Variants in PHC2 observed in about 807,000 individuals in gnomAD.
The protein encoded by PHC2 is polyhomeotic-like protein 2.
PHC2 carries 29 observed loss-of-function variants against 87.4 expected under a neutral mutation model. That is an observed-to-expected ratio of 0.33 (90% CI 0.25 to 0.45). The LOEUF is 0.45. Among genes scored for constraint, PHC2 ranks in the 20% least tolerant of loss-of-function variants. The pLI is 1.00. For synonymous variants in PHC2, 438 were observed against 461.7 expected (o/e 0.95, Z 0.66); for missense variants, 857 against 1,136.7 (o/e 0.75, Z 3.54).
At chr1:33,384,607 G>A (rs747718772) in intron 1 of PHC2, among the ~76,000 whole-genome samples, 4 of 152,078 alleles carry the variant, frequency 2.6e-5, no homozygotes, top group Non-Finnish European at 5.9e-5. Flanking sequence ...CTCACCCCTT[G>A]CCCAGACCTT....
chr1:33,346,739 G>A, intron 9 of PHC2: 1 of 985,360 alleles, frequency 1.0e-6, no homozygotes, highest in Non-Finnish European at 1.2e-6. Flanking sequence ...AATGGTTACT[G>A]AACGCCTGGC....
chr1:33,419,430 C>T (rs1650338932), intron 1 of PHC2, among the ~76,000 whole-genome samples: 3 of 152,208 alleles, frequency 2.0e-5, no homozygotes, highest in African/African-American at 7.2e-5. Flanking sequence ...GCTGTGCTCT[C>T]CCTCAGGAGG....
Position 33,331,798 on chromosome 1 carries a change from G to C in PHC2, c.1892-336C>G, listed in dbSNP as rs188309394. ...CTCTGGATGCTGTCACAGCTGCTCC[G>C]CTGGCATCATCACACCTTGATCTAT... On this transcript the variant is annotated intron_variant, in intron 11 of 14. Transcript: ENST00000683057. The surrounding 1 kb of genome is among the most constrained non-coding windows in gnomAD (Gnocchi z 5.2). The C allele has an allele frequency of 7.4e-5, 22 of 298,284 alleles. No homozygotes were observed. Among genetic ancestry groups the C allele is most frequent in the Admixed American group, 7.0e-4 (15 of 21,392 alleles). The allele number at this position is 298,284 out of a possible 1,614,324, so 18.5% of individuals were successfully genotyped here. A position where few individuals can be genotyped will look rare whatever the true frequency, so the allele number is the denominator to read the frequency against.
chr1:33,406,650 T>C (rs988751121), intron 1 of PHC2, among the ~76,000 whole-genome samples: 1 of 152,230 alleles, frequency 6.6e-6, no homozygotes, highest in Non-Finnish European at 1.5e-5. Flanking sequence ...ATTTAGTCCA[T>C]TTACATTTGA....
Position 33,364,421 on chromosome 1 carries a change from C to G in PHC2, c.976+2695G>C, listed in dbSNP as rs1366186856. ...ACACACACACACACACACACACACA[C>G]ACACGCTCAAGCACGCTCTTCTCTC... On this transcript the variant is annotated intron_variant, in intron 7 of 14. Coordinates refer to ENST00000683057, the MANE Select transcript of PHC2 (RefSeq NM_001385109.1). This position sits in a 1 kb window ranked among gnomAD's most constrained non-coding sequence, Gnocchi z 4.1. Among the ~76,000 whole-genome samples, 1 of 151,808 alleles carries G rather than the reference C, an allele frequency of 6.6e-6. No individual in the cohort carries two copies. The highest frequency in any genetic ancestry group is 6.6e-5 in the Admixed American group (1 of 15,212).
At chr1:33,371,856 C>G (rs1647865130) in intron 3 of PHC2, among the ~76,000 whole-genome samples, 1 of 152,206 alleles carries the variant, frequency 6.6e-6, no homozygotes, top group African/African-American at 2.4e-5. Flanking sequence ...GTGCTTGATA[C>G]AAACTTTGCA....
chr1:33,369,284 G>T lies in PHC2; in HGVS notation c.577-662C>A, dbSNP rs1462985548. ...TCGACCTCCGTGGGAGTCTAGCTCT[G>T]CATCAGTGTGGATGTGCTGGTGCCT... On this transcript the variant is annotated intron_variant, in intron 5 of 14. Coordinates refer to ENST00000683057, the MANE Select transcript of PHC2 (RefSeq NM_001385109.1). This position sits in a 1 kb window ranked among gnomAD's most constrained non-coding sequence, Gnocchi z 4.7. Among the ~76,000 whole-genome samples the T allele has an allele frequency of 6.6e-6, 1 of 152,314 alleles. No individual in the cohort carries two copies. The highest frequency in any genetic ancestry group is 2.1e-4 in the South Asian group (1 of 4,826).
rs1650906646 is a variant in PHC2 at position 33,431,073 on chromosome 1, C to A, written c.-152G>T. ...GGCTCGGCGCCGCGCACCCTGCTGG[C>A]TGCTCGGACGCTGCCCGCGGAGGAG... On this transcript the variant is annotated 5_prime_UTR_variant, in exon 1 of 15. Coordinates refer to ENST00000683057, the MANE Select transcript of PHC2 (RefSeq NM_001385109.1). 2 of 152,100 alleles carry A rather than the reference C, an allele frequency of 1.3e-5. No homozygotes were observed. The highest frequency in any genetic ancestry group is 4.1e-4 in the South Asian group (2 of 4,834). The allele number at this position is 152,100 out of a possible 1,614,324, so 9.4% of individuals were successfully genotyped here. A position where few individuals can be genotyped will look rare whatever the true frequency, so the allele number is the denominator to read the frequency against.
intron 1 of PHC2, among the ~76,000 whole-genome samples, chr1:33,408,512 G>A (rs1175468778): frequency 6.6e-6 from 1 of 152,140 alleles, no homozygotes; most frequent in Non-Finnish European, 1.5e-5. Flanking sequence ...CCAGGCTGGA[G>A]TGCAGTGGGA....
intron 2 of PHC2, among the ~76,000 whole-genome samples, chr1:33,374,119 C>T (rs915630493): frequency 1.3e-5 from 2 of 152,146 alleles, no homozygotes; most frequent in African/African-American, 2.4e-5. Flanking sequence ...TTCCCTTTGC[C>T]TAGGCCTTTC....
chr1:33,378,303 A>AAT (rs1648287541), intron 1 of PHC2, among the ~76,000 whole-genome samples: 1 of 152,216 alleles, frequency 6.6e-6, no homozygotes. Flanking sequence ...GAAACTGAAA[A>AAT]ACTAATTGTA....
At chr1:33,372,158 G>A in intron 3 of PHC2, 131 bp downstream of exon 3, 1 of 864,858 alleles carries the variant, frequency 1.2e-6, no homozygotes, top group Non-Finnish European at 1.7e-6. Flanking sequence ...TAGTGCTCGT[G>A]TCACAAGGAC....
rs774662828 is a variant in PHC2, at chr1:33,372,407, G to A, written c.215C>T (p.Ala72Val). The change falls in exon 3 of 15, where the codon GCT becomes GTT. Residue 72 changes from alanine (A) to valine (V), a missense_variant. Around this residue, in one of 3 missense-constraint regions of PHC2, gnomAD observed 832 missense variants for 1,081.8 expected, o/e 0.77. Coordinates refer to ENST00000683057, the MANE Select transcript of PHC2 (RefSeq NM_001385109.1). ...QALHRQPSTA[A>V]QYLQQMYAAQ... is the part of the protein sequence containing the mutation. ...GGCGTACATCTGCTGCAGGTACTGA[G>A]CGGCCGTGCTGGGCTGTCTGTGCAG... The A allele has an allele frequency of 1.4e-5, 23 of 1,605,254 alleles. 1 individual carries two copies. In the South Asian group the frequency reaches 2.4e-4, roughly 17 times the overall value.
At chr1:33,346,124 C>G (rs1570466116) in intron 9 of PHC2, 11 of 985,334 alleles carry the variant, frequency 1.1e-5, no homozygotes, top group Non-Finnish European at 1.3e-5. Context: ...GGTGTTAAGT[C>G]CCCAAAGAGA....
intron 3 of PHC2, among the ~76,000 whole-genome samples, 171 bp from the exon 4 acceptor site, chr1:33,371,265 G>A (rs1316932652): frequency 6.6e-6 from 1 of 152,144 alleles, no homozygotes; most frequent in East Asian, 1.9e-4. Context: ...CCTCCTCTGT[G>A]AATAGGTGAG....
chr1:33,415,486 C>T (rs889295020), intron 1 of PHC2, among the ~76,000 whole-genome samples: 6 of 152,090 alleles, frequency 3.9e-5, no homozygotes, highest in Non-Finnish European at 5.9e-5. Context: ...TTAGAAGCAA[C>T]GTTTGAAAGG....
intron 9 of PHC2, chr1:33,350,456 T>C (rs1484106799): frequency 2.0e-5 from 3 of 152,268 alleles, no homozygotes; most frequent in Admixed American, 6.5e-5. Flanking sequence ...CCGTAAGTGT[T>C]GGTTATCTTC....
In PHC2 at chr1:33,355,209, A is replaced by T. The variant is rs1647048807; in HGVS notation, c.1021T>A (p.Ser341Thr). The stretch of plus-strand genomic sequence containing the variant: ...ACAAATTGGGGCTGCAGGTGCTTTG[A>T]GGATGGCTGTGGGAGGAGCTGGTGT... Reference protein sequence around the residue: ...QPHQLLPQPSSKHLQPQFVIQ... With the variant: ...QPHQLLPQPSTKHLQPQFVIQ... Residue 341 changes from serine (S) to threonine (T), a missense_variant, in exon 8 of 15, where the codon TCA (serine) becomes ACA (threonine). Ser to Thr is a moderately conservative substitution (Grantham distance 58). Around this residue, in one of 3 missense-constraint regions of PHC2, gnomAD observed 832 missense variants for 1,081.8 expected, o/e 0.77. Transcript: ENST00000683057. 9 of 1,600,958 alleles carry T rather than the reference A, an allele frequency of 5.6e-6. No homozygotes were observed. The highest frequency in any genetic ancestry group is 6.8e-6 in the Non-Finnish European group (8 of 1,172,944).
chr1:33,429,064 T>C (rs1484874401), intron 1 of PHC2, among the ~76,000 whole-genome samples: 1 of 152,234 alleles, frequency 6.6e-6, no homozygotes, highest in East Asian at 1.9e-4. Context: ...GTTATGGTCA[T>C]GTATTCTCTT....
Sources: allele counts gnomAD v4.1 joint callset (sites outside exome capture counted in the v4.1 genomes callset), GRCh38; gene constraint gnomAD v4.1.1; regional missense constraint gnomAD v4.1.1; non-coding constraint Gnocchi (gnomAD v3.1); transcripts MANE v1.5; gene names NCBI Gene and HGNC (gene_info 2026-07-23, HGNC 2026-07-21).